GABRG3: variants seen among roughly 807,000 people sequenced by gnomAD.
GABRG3 encodes the protein gamma-aminobutyric acid type A receptor subunit gamma3.
A neutral mutation model predicts 48.8 loss-of-function variants in GABRG3; 25 were observed. The observed-to-expected ratio is 0.51, with a 90% confidence interval of 0.37 to 0.72. GABRG3 has a LOEUF of 0.72. Among genes scored for constraint, GABRG3 ranks in the 30% least tolerant of loss-of-function variants. GABRG3 has a pLI of 0.00. For synonymous variants in GABRG3, 227 were observed against 217.6 expected, an observed-to-expected ratio of 1.04 and a Z score of -0.38; for missense variants, 394 against 577.9, an observed-to-expected ratio of 0.68 and a Z score of 3.26.
intron 5 of GABRG3, among the ~76,000 whole-genome samples, chr15:27,392,444 G>A (rs1303549962): frequency 1.3e-5 from 2 of 152,128 alleles, no homozygotes; most frequent in Non-Finnish European, 2.9e-5. Flanking sequence ...CATAGACCGG[G>A]GTTATGCGTT....
At chr15:27,396,887 C>T (rs1252571288) in intron 5 of GABRG3, among the ~76,000 whole-genome samples, 1 of 151,994 alleles carries the variant, frequency 6.6e-6, no homozygotes, top group African/African-American at 2.4e-5. Context: ...ATTTACATTC[C>T]TCTGAGAAAG....
At chr15:27,291,083 AT>A (rs1436265555) in intron 3 of GABRG3, among the ~76,000 whole-genome samples, 1 of 152,186 alleles carries the variant, frequency 6.6e-6, no homozygotes, top group African/African-American at 2.4e-5. Flanking sequence ...AAGTGCTCAT[AT>A]TTTCTTGTAA....
chr15:27,341,568 T>G (rs974407680), intron 5 of GABRG3, among the ~76,000 whole-genome samples: 3 of 152,058 alleles, frequency 2.0e-5, no homozygotes, highest in Admixed American at 2.0e-4. Context: ...AAGTCCCTGT[T>G]TTTTTAAGCA....
intron 3 of GABRG3, among the ~76,000 whole-genome samples, chr15:27,256,494 AGGGG>A (rs1415009833): frequency 1.9e-5 from 1 of 52,984 alleles, no homozygotes; most frequent in South Asian, 6.0e-4. Flanking sequence ...TGTTAAGGGT[AGGGG>A]GGGCGGGGAG....
chr15:27,157,152 G>A (rs530978386), intron 3 of GABRG3, among the ~76,000 whole-genome samples: 28 of 152,254 alleles, frequency 1.8e-4, no homozygotes, highest in Non-Finnish European at 2.9e-4. Flanking sequence ...CAGATGACTC[G>A]AATTCAATTG....
At chr15:27,115,840 C>T (rs1897631925) in intron 3 of GABRG3, among the ~76,000 whole-genome samples, 1 of 152,108 alleles carries the variant, frequency 6.6e-6, no homozygotes, top group Non-Finnish European at 1.5e-5. Flanking sequence ...ATCTTGTAAA[C>T]AGGATTTAAT....
At chr15:27,500,477 A>G (rs1335755983) in intron 6 of GABRG3, among the ~76,000 whole-genome samples, 1 of 152,170 alleles carries the variant, frequency 6.6e-6, no homozygotes, top group Non-Finnish European at 1.5e-5. Context: ...GCACCTGTCA[A>G]CCTTCGAAAG....
At chr15:27,525,596 C>G (rs1169066683) in intron 7 of GABRG3, among the ~76,000 whole-genome samples, 17 of 152,180 alleles carry the variant, frequency 1.1e-4, no homozygotes, top group Non-Finnish European at 4.4e-5. Context: ...CCACTCATGA[C>G]AACTGATGGA....
intron 3 of GABRG3, among the ~76,000 whole-genome samples, chr15:27,039,856 C>G (rs1896244270): frequency 6.6e-6 from 1 of 152,240 alleles, no homozygotes; most frequent in African/African-American, 2.4e-5. Context: ...CCATCCACCC[C>G]TATTGCCCCT....
intron 3 of GABRG3, among the ~76,000 whole-genome samples, chr15:27,190,485 T>G (rs1888257039): frequency 6.6e-6 from 1 of 152,206 alleles, no homozygotes; most frequent in African/African-American, 2.4e-5. Context: ...ATTTATCCAT[T>G]TCTTCTCGAT....
At chr15:26,991,500 A>C (rs968761387) in intron 2 of GABRG3, among the ~76,000 whole-genome samples, 2 of 152,084 alleles carry the variant, frequency 1.3e-5, no homozygotes, top group Non-Finnish European at 2.9e-5. Flanking sequence ...CATTCAATTT[A>C]TAGATTGCTT....
intron 3 of GABRG3, among the ~76,000 whole-genome samples, chr15:27,185,329 G>A (rs1367724359): frequency 2.0e-5 from 3 of 152,022 alleles, no homozygotes; most frequent in Non-Finnish European, 4.4e-5. Context: ...ATTTTCATGT[G>A]TTTGGATATT....
At chr15:26,981,460 A>G (rs923869197) in intron 2 of GABRG3, among the ~76,000 whole-genome samples, 6 of 152,226 alleles carry the variant, frequency 3.9e-5, no homozygotes, top group Non-Finnish European at 8.8e-5. Flanking sequence ...GGTCTTGAAA[A>G]GAGTATGTAT....
At chr15:27,275,261 T>C (rs535226107) in intron 3 of GABRG3, among the ~76,000 whole-genome samples, 2 of 152,342 alleles carry the variant, frequency 1.3e-5, no homozygotes, top group African/African-American at 4.8e-5. Context: ...CTTGAGCTTT[T>C]GGTGAATACC....
At chr15:27,466,688 C>T (rs1019610311) in intron 5 of GABRG3, among the ~76,000 whole-genome samples, 2 of 152,286 alleles carry the variant, frequency 1.3e-5, no homozygotes, top group Admixed American at 1.3e-4. Context: ...GCTGCTGCTC[C>T]TCTTAAACCG....
chr15:27,245,072 G>T (rs1377066429), intron 3 of GABRG3, among the ~76,000 whole-genome samples: 1 of 152,132 alleles, frequency 6.6e-6, no homozygotes, highest in Non-Finnish European at 1.5e-5. Flanking sequence ...CTCCTCCTTA[G>T]TCCTGTGGGA....
chr15:27,154,522 G>T (rs1197747102), intron 3 of GABRG3, among the ~76,000 whole-genome samples: 1 of 152,164 alleles, frequency 6.6e-6, no homozygotes, highest in African/African-American at 2.4e-5. Context: ...TCAGTTTGCT[G>T]AGAGGTTTTA....
At chr15:27,110,045 G>A (rs965090798) in intron 3 of GABRG3, among the ~76,000 whole-genome samples, 1 of 151,960 alleles carries the variant, frequency 6.6e-6, no homozygotes, top group African/African-American at 2.4e-5. Context: ...GATATATTTA[G>A]CTATATATCA....
At chr15:27,262,075 C>T (rs891986074) in intron 3 of GABRG3, among the ~76,000 whole-genome samples, 13 of 152,326 alleles carry the variant, frequency 8.5e-5, no homozygotes, top group Middle Eastern at 6.8e-3. Context: ...TTCTAGACTT[C>T]CTTCATTAGA....
Sources: allele counts gnomAD v4.1 joint callset (sites outside exome capture counted in the v4.1 genomes callset), GRCh38; gene constraint gnomAD v4.1.1; transcripts MANE v1.5; gene names NCBI Gene and HGNC (gene_info 2026-07-23, HGNC 2026-07-21).